PCDHGC5: variants seen among roughly 807,000 people sequenced by gnomAD.
PCDHGC5 encodes protocadherin gamma subfamily C, 5, also known as protocadherin gamma-C5.
Under a neutral mutation model 59.0 loss-of-function variants are expected in PCDHGC5, and 25 were observed. The ratio of observed to expected loss-of-function variants is 0.42; its 90% CI spans 0.31 to 0.59. The LOEUF is 0.59. Ranked by LOEUF, PCDHGC5 falls within the 20% of genes least tolerant of loss-of-function variation. The probability of loss-of-function intolerance (pLI) is 0.13; values close to 1 mark genes in which losing one functional copy is unlikely to be tolerated. For synonymous variants in PCDHGC5, 434 were observed against 505.5 expected (o/e 0.86, Z 1.90); for missense variants, 1,067 against 1,206.4 (o/e 0.88, Z 1.71).
At position 141,505,504 on chromosome 5, in the gene PCDHGC5, T is replaced by C. The variant is rs756583857; in HGVS notation, c.2608+23T>C. The C allele has an allele frequency of 9.3e-6, 15 of 1,614,020 alleles. No individual in the cohort carries two copies. The African/African-American group carries it at 1.2e-4, about 13-fold the overall frequency. ...GTGGTAAGTGGTGTCAGTGTGTGTA[T>C]GGAAGAGTGGGAGACCTGGGGTTCT... On this transcript the variant is annotated intron_variant, in intron 3 of 3. Transcript: ENST00000252087.
At chr5:141,510,906 C>G in intron 3 of PCDHGC5, 41 bp from the exon 4 acceptor site, 1 of 1,613,582 alleles carries the variant, frequency 6.2e-7, no homozygotes, top group Non-Finnish European at 8.5e-7. Context: ...TGTTGAGGAC[C>G]CTAAGTTTAG....
chr5:141,501,530 G>T (rs556760554), intron 2 of PCDHGC5, among the ~76,000 whole-genome samples: 1 of 151,998 alleles, frequency 6.6e-6, no homozygotes, highest in East Asian at 1.9e-4. Flanking sequence ...AGCCCAGTAC[G>T]TTGTTGTGCA....
At chr5:141,502,978 G>T (rs1004984942) in intron 2 of PCDHGC5, among the ~76,000 whole-genome samples, 1 of 150,096 alleles carries the variant, frequency 6.7e-6, no homozygotes, top group Non-Finnish European at 1.5e-5. Context: ...CAAGTAGCTG[G>T]GATTACAGGC....
At chr5:141,495,984 ATC>A (rs2099765081) in intron 2 of PCDHGC5, among the ~76,000 whole-genome samples, 1 of 149,246 alleles carries the variant, frequency 6.7e-6, no homozygotes, top group East Asian at 2.0e-4. Context: ...CTCTTTCTTT[ATC>A]TCTCTTTTTC....
At chr5:141,502,907 G>C (rs1335363561) in intron 2 of PCDHGC5, among the ~76,000 whole-genome samples, 2 of 138,924 alleles carry the variant, frequency 1.4e-5, no homozygotes, top group Non-Finnish European at 3.0e-5. Context: ...CTGTTGCCAG[G>C]CTGGAGTGCA....
At chr5:141,507,262 G>A (rs1294679320) in intron 3 of PCDHGC5, 6 of 151,748 alleles carry the variant, frequency 4.0e-5, no homozygotes, top group Non-Finnish European at 8.8e-5. Flanking sequence ...TAAACAGCAA[G>A]TACTATTTCA....
intron 3 of PCDHGC5, among the ~76,000 whole-genome samples, chr5:141,506,429 A>G (rs1406730781): frequency 7.0e-6 from 1 of 143,144 alleles, no homozygotes; most frequent in Non-Finnish European, 1.5e-5. Flanking sequence ...CCTGGGCAAC[A>G]GTCTCGCTCT....
At chr5:141,494,926 G>C in intron 2 of PCDHGC5, 61 bp downstream of exon 2, 2 of 1,613,498 alleles carry the variant, frequency 1.2e-6, no homozygotes, top group Non-Finnish European at 1.7e-6. Context: ...GGATGACGTG[G>C]GAGGAGATGG....
At chr5:141,504,017 T>G (rs1186684262) in intron 2 of PCDHGC5, among the ~76,000 whole-genome samples, 1 of 152,150 alleles carries the variant, frequency 6.6e-6, no homozygotes, top group Non-Finnish European at 1.5e-5. Context: ...TCTCTGCTGG[T>G]CTCTTCCCAC....
chr5:141,489,210 G>C lies in PCDHGC5; in HGVS notation c.-31G>C. ...TCTACCTTGGAGACAGGACAGCACA[G>C]ACTTACTCTCCACAAAGGGACTTCT... On this transcript the variant is annotated 5_prime_UTR_variant, in exon 1 of 4. Coordinates refer to ENST00000252087, the MANE Select transcript of PCDHGC5 (RefSeq NM_018929.3). This position sits in a 1 kb window ranked among gnomAD's most constrained non-coding sequence, Gnocchi z 4.5. 6.8e-7 allele frequency: 1 copy of C among 1,461,860 alleles called. No individual in the cohort carries two copies. Among genetic ancestry groups the C allele is most frequent in the African/African-American group, 1.4e-5 (1 of 70,802 alleles). 90.6% of individuals were successfully genotyped at this position (1,461,860 alleles called of 1,614,324 possible).
intron 2 of PCDHGC5, among the ~76,000 whole-genome samples, chr5:141,496,827 C>A (rs1595415247): frequency 6.6e-6 from 1 of 151,780 alleles, no homozygotes; most frequent in East Asian, 1.9e-4. Context: ...TAGATGTGAT[C>A]CCAGAACTCA....
chr5:141,492,005 C>T (rs1444993907), intron 1 of PCDHGC5: 2 of 642,268 alleles, frequency 3.1e-6, no homozygotes, highest in Admixed American at 7.4e-5. Flanking sequence ...GGGCGATTTC[C>T]GCGGGTGTCG....
intron 2 of PCDHGC5, among the ~76,000 whole-genome samples, chr5:141,502,723 G>C (rs771399677): frequency 3.9e-5 from 6 of 152,124 alleles, no homozygotes; most frequent in Non-Finnish European, 8.8e-5. Flanking sequence ...TGATTACAAA[G>C]CGGTGATGTT....
chr5:141,511,560 T>C lies in PCDHGC5; in HGVS notation c.*387T>C. ...CCACCCCACTCCAACAGTTCCTCTT[T>C]CCCGAGTAAGGTGGTTGGGGTGTTG... On this transcript the variant is annotated 3_prime_UTR_variant, in exon 4 of 4. Coordinates refer to ENST00000252087, the MANE Select transcript of PCDHGC5 (RefSeq NM_018929.3). The C allele has an allele frequency of 3.3e-6, 1 of 298,990 alleles. No homozygotes were observed. The highest frequency in any genetic ancestry group is 3.7e-5 in the South Asian group (1 of 27,250). The allele number at this position is 298,990 out of a possible 1,614,324, so 18.5% of individuals were successfully genotyped here.
chr5:141,505,320 C>G, intron 2 of PCDHGC5, 73 bp from the exon 3 acceptor site: 2 of 1,605,358 alleles, frequency 1.2e-6, no homozygotes, highest in Non-Finnish European at 1.7e-6. Context: ...TTTGGGAGCC[C>G]TGGGAGAGGA....
At position 141,490,406 on chromosome 5, in the gene PCDHGC5, T is replaced by G; in HGVS notation, c.1166T>G (p.Ile389Ser). Residue 389 changes from isoleucine (I) to serine (S), a missense_variant, in exon 1 of 4, where the codon ATC (isoleucine) becomes AGC (serine). Transcript: ENST00000252087. This position sits in a 1 kb window ranked among gnomAD's most constrained non-coding sequence, Gnocchi z 5.4. ...SGRNGEVSLDISPDLPFQIKP... is the reference protein window; with the variant it reads ...SGRNGEVSLDSSPDLPFQIKP... ...AGAAATGGTGAAGTGAGCCTTGATA[T>G]CTCTCCGGACCTGCCATTTCAGATT... is the stretch of plus-strand genomic sequence containing the variant. The G allele has an allele frequency of 1.9e-6, 3 of 1,614,112 alleles. No individual in the cohort carries two copies. Among genetic ancestry groups the G allele is most frequent in the Non-Finnish European group, 2.5e-6 (3 of 1,180,020 alleles).
At chr5:141,492,265 G>C (rs1363279754) in intron 1 of PCDHGC5, among the ~76,000 whole-genome samples, 1 of 152,180 alleles carries the variant, frequency 6.6e-6, no homozygotes, top group Non-Finnish European at 1.5e-5. Flanking sequence ...CAAGTTGCAC[G>C]GGCTCGCCAC....
chr5:141,495,752 C>G (rs1310125902), intron 2 of PCDHGC5, among the ~76,000 whole-genome samples: 1 of 152,150 alleles, frequency 6.6e-6, no homozygotes, highest in Non-Finnish European at 1.5e-5. Flanking sequence ...TTCTCTATCT[C>G]TGCCTCCCTG....
chr5:141,495,103 C>T (rs1383918796), intron 2 of PCDHGC5, among the ~76,000 whole-genome samples: 2 of 152,132 alleles, frequency 1.3e-5, no homozygotes, highest in Non-Finnish European at 2.9e-5. Context: ...TCGCCACGAC[C>T]GGCACCTTTT....
Sources: gnomAD v4.1 joint callset for allele counts (sites outside exome capture counted in the v4.1 genomes callset) on GRCh38, gnomAD v4.1.1 for gene constraint, Gnocchi (gnomAD v3.1) non-coding constraint, MANE v1.5 for transcripts, NCBI Gene and HGNC (gene_info 2026-07-23, HGNC 2026-07-21) for gene names.